TNRC6A: variants seen among roughly 807,000 people sequenced by gnomAD.
TNRC6A encodes trinucleotide repeat-containing gene 6A protein.
Under a neutral mutation model 221.2 loss-of-function variants are expected in TNRC6A, and 44 were observed. That is an observed-to-expected ratio of 0.20 (90% CI 0.16 to 0.26). The LOEUF is 0.26. TNRC6A is among the 10% of genes least tolerant of loss of function. The pLI, the probability that TNRC6A is intolerant of heterozygous loss-of-function variation, is 1.00. For synonymous variants in TNRC6A, 847 were observed against 838.5 expected, an observed-to-expected ratio of 1.01 and a Z score of -0.18; for missense variants, 2,199 against 2,404.4, an observed-to-expected ratio of 0.91 and a Z score of 1.79.
chr16:24,804,731 A>G lies in TNRC6A; in HGVS notation c.3864A>G (p.Gln1288=). The change falls in exon 13 of 25, where the codon CAA becomes CAG. Residue 1288 remains glutamine (Q), a synonymous_variant. Transcript: ENST00000395799. The part of the protein sequence containing the change: ...DKDGIVADES[Q]NMQFMSSQSM... ...ATGGCATTGTAGCAGATGAATCCCAAAACATGCAGTTTATGTCCAGTCAAA... is the reference window on the plus strand; with the variant it reads ...ATGGCATTGTAGCAGATGAATCCCAGAACATGCAGTTTATGTCCAGTCAAA... 6.3e-7 allele frequency: 1 copy of G among 1,598,882 alleles called. No individual in the cohort carries two copies. The highest frequency in any genetic ancestry group is 8.5e-7 in the Non-Finnish European group (1 of 1,176,530).
At position 24,761,608 on chromosome 16, in the gene TNRC6A, C is replaced by T. The variant is rs1244705208; in HGVS notation, c.163+3248C>T. On this transcript the variant is annotated intron_variant, in intron 4 of 24. Coordinates refer to ENST00000395799, the MANE Select transcript of TNRC6A (RefSeq NM_014494.4). ...GGGTCTCGCTCTGGAGTGTAGTGCA[C>T]AATCATAGCTCACTGCGGCCTTGAA... 2.6e-5 allele frequency among the ~76,000 whole-genome samples: 4 copies of T among 151,808 alleles called. No individual in the cohort carries two copies. The East Asian group carries it at 7.7e-4, about 29-fold the overall frequency.
intron 2 of TNRC6A, among the ~76,000 whole-genome samples, chr16:24,686,808 G>T (rs184496051): frequency 6.6e-6 from 1 of 152,126 alleles, no homozygotes; most frequent in Non-Finnish European, 1.5e-5. Flanking sequence ...TTCTGCCTGC[G>T]TTTGGATTCC....
intron 4 of TNRC6A, among the ~76,000 whole-genome samples, chr16:24,766,306 C>G (rs1018125058): frequency 6.6e-5 from 10 of 152,154 alleles, no homozygotes; most frequent in Non-Finnish European, 1.0e-4. Context: ...TTTATGGACT[C>G]ACAAAGAGAA....
chr16:24,730,496 T>C (rs1474828247), intron 2 of TNRC6A, among the ~76,000 whole-genome samples, 196 bp downstream of exon 2: 1 of 135,156 alleles, frequency 7.4e-6, no homozygotes, highest in Non-Finnish European at 1.6e-5. Context: ...TTTCTTTCTT[T>C]AAAAAAAAAA....
chr16:24,789,309 A>T lies in TNRC6A; in HGVS notation c.667A>T (p.Thr223Ser). The change falls in exon 6 of 25, where the codon ACA becomes TCA. Residue 223 changes from threonine (T) to serine (S), a missense_variant. Physicochemically the swap from Thr to Ser is moderately conservative, Grantham distance 58. This residue lies in a region of TNRC6A where 1,405 missense variants were observed against 1,400.2 expected (regional missense o/e 1.00). Coordinates refer to ENST00000395799, the MANE Select transcript of TNRC6A (RefSeq NM_014494.4). ...TGTGTCTTCTACAAGTGATTCTAGC[A>T]CAAACTGTAAGAATGCTGTTGTAAG... ...GPVSSTSDSS[T>S]NCKNAVVSDL... The T allele has an allele frequency of 1.9e-6, 3 of 1,614,210 alleles. No individual in the cohort carries two copies. The highest frequency in any genetic ancestry group is 2.5e-6 in the Non-Finnish European group (3 of 1,180,038).
intron 2 of TNRC6A, chr16:24,663,917 T>C (rs1170721571): frequency 2.2e-6 from 1 of 456,680 alleles, no homozygotes; most frequent in Admixed American, 2.3e-5. Context: ...TTTAAGCCGT[T>C]AGCAGTTATC....
rs1252970472 is a variant in TNRC6A, at chr16:24,712,907, C to CTGTGTGTGTGTGTGTA, written n.403-37804_403-37803insATGTGTGTGTGTGTGT. The stretch of plus-strand genomic sequence containing the variant: ...AATTTGGGGCCATAGTTATGTGCCA[C>CTGTGTGTGTGTGTGTA]TGTGTGTGTGTGTGTGTGTGTGTGT... On this transcript the variant is annotated intron_variant and non_coding_transcript_variant, in intron 2 of 2. Coordinates refer to the TNRC6A transcript ENST00000566108. Among the ~76,000 whole-genome samples the CTGTGTGTGTGTGTGTA allele has an allele frequency of 9.3e-3, 1,181 of 126,764 alleles. 50 individuals carry two copies. Among genetic ancestry groups the CTGTGTGTGTGTGTGTA allele is most frequent in the East Asian group, 0.093 (310 of 3,328 alleles). 83.2% of individuals were successfully genotyped at this position (126,764 alleles called of 152,430 possible).
chr16:24,791,345 C>T lies in TNRC6A; in HGVS notation c.2703C>T (p.Asn901=). ...CTAGTTCTTTCACTTGGGGAAACAA[C>T]ATAAATCCAAATAATTCATCAGGAT... ...GKTSSFTWGN[N]INPNNSSGWD... Residue 901 remains asparagine, a synonymous_variant, in exon 6 of 25, where the codon AAC becomes AAT. Coordinates refer to ENST00000395799, the MANE Select transcript of TNRC6A (RefSeq NM_014494.4). 6.2e-7 allele frequency: 1 copy of T among 1,600,968 alleles called. No homozygotes were observed. The highest frequency in any genetic ancestry group is 1.3e-5 in the African/African-American group (1 of 74,744).
intron 2 of TNRC6A, among the ~76,000 whole-genome samples, chr16:24,718,236 G>A (rs1430590327): frequency 6.6e-6 from 1 of 152,182 alleles, no homozygotes; most frequent in African/African-American, 2.4e-5. Flanking sequence ...GTTATCTCAC[G>A]AGAGCATGTG....
At chr16:24,659,145 T>C (rs1296956210) in intron 2 of TNRC6A, among the ~76,000 whole-genome samples, 1 of 152,106 alleles carries the variant, frequency 6.6e-6, no homozygotes, top group East Asian at 1.9e-4. Flanking sequence ...ATTCGCCCAT[T>C]TATTATTTTA....
At chr16:24,635,881 T>C (rs1487115459) in intron 1 of TNRC6A, among the ~76,000 whole-genome samples, 1 of 152,242 alleles carries the variant, frequency 6.6e-6, no homozygotes, top group East Asian at 1.9e-4. Context: ...GCTCACATCC[T>C]GCATTTTATT....
chr16:24,721,967 C>T (rs1431208458), intron 2 of TNRC6A, among the ~76,000 whole-genome samples: 1 of 152,098 alleles, frequency 6.6e-6, no homozygotes, highest in African/African-American at 2.4e-5. Flanking sequence ...TGATGTGAAT[C>T]AGAAAAGCGG....
chr16:24,634,456 T>G (rs1342215545), intron 1 of TNRC6A, among the ~76,000 whole-genome samples: 3 of 152,074 alleles, frequency 2.0e-5, no homozygotes, highest in Admixed American at 2.0e-4. Flanking sequence ...AAATGCACAT[T>G]GAATATACCA....
In TNRC6A at chr16:24,790,349, AGGAGGT is replaced by A; in HGVS notation, c.1710_1715del (p.Gly571_Gly572del). ...CTAACTTTCAAGTTAACACAAACAAAGGAGGTGGTGTGTGGGAATCTGGTGCAGCAA... is the reference window on the plus strand; with the variant it reads ...CTAACTTTCAAGTTAACACAAACAAAGGTGTGTGGGAATCTGGTGCAGCAA... On this transcript the variant is annotated inframe_deletion, in exon 6 of 25. Transcript: ENST00000395799. The A allele has an allele frequency of 6.2e-7, 1 of 1,614,230 alleles. No individual in the cohort carries two copies.
chr16:24,764,297 G>GTA (rs1443776943), intron 4 of TNRC6A, among the ~76,000 whole-genome samples: 3 of 149,316 alleles, frequency 2.0e-5, no homozygotes, highest in Non-Finnish European at 4.5e-5. Flanking sequence ...ATATTCCTTT[G>GTA]TATATATTTG....
chr16:24,814,899 TTG>T (rs968508289), intron 18 of TNRC6A, among the ~76,000 whole-genome samples: 3 of 152,194 alleles, frequency 2.0e-5, no homozygotes, highest in African/African-American at 7.2e-5. Context: ...GGAAATAAGT[TTG>T]TACTCATATT....
rs1296684321 is a variant in TNRC6A, at chr16:24,645,489, C to CA, written n.402+4490dup. Among the ~76,000 whole-genome samples, 349 of 132,998 alleles carry CA rather than the reference C, an allele frequency of 2.6e-3. 2 individuals are homozygous for CA. The highest frequency in any genetic ancestry group is 8.6e-3 in the African/African-American group (308 of 35,968). The allele number at this position is 132,998 out of a possible 152,430, so 87.3% of individuals were successfully genotyped here. A position where few individuals can be genotyped will look rare whatever the true frequency, so the allele number is the denominator to read the frequency against. On this transcript the variant is annotated intron_variant and non_coding_transcript_variant, in intron 2 of 2. Transcript: ENST00000566108. ...TGGGCAACAGAGTGAGACCCTGTCT[C>CA]AAAAAAAAAACAAAAAACAAAAAAC...
chr16:24,776,834 A>T, intron 4 of TNRC6A, 99 bp from the exon 5 acceptor site: 1 of 1,515,696 alleles, frequency 6.6e-7, no homozygotes. Flanking sequence ...CTGTTTTTTT[A>T]GGATTATTTT....
chr16:24,673,682 T>C (rs2055350840), intron 2 of TNRC6A, among the ~76,000 whole-genome samples: 1 of 152,116 alleles, frequency 6.6e-6, no homozygotes, highest in Admixed American at 6.5e-5. Flanking sequence ...CACCTCAGCC[T>C]CCCAAGAAGG....
Sources: gnomAD v4.1 joint callset for allele counts (sites outside exome capture counted in the v4.1 genomes callset) on GRCh38, gnomAD v4.1.1 for gene constraint, gnomAD v4.1.1 regional missense constraint, MANE v1.5 for transcripts, NCBI Gene and HGNC (gene_info 2026-07-23, HGNC 2026-07-21) for gene names.